MYOZ2: variants seen among roughly 807,000 people sequenced by gnomAD.
MYOZ2 encodes the protein myozenin-2.
In MYOZ2, 19 loss-of-function variants were observed where a neutral mutation model predicts 25.4. The observed-to-expected ratio is 0.75, with a 90% CI of 0.52 to 1.10. MYOZ2 has a LOEUF of 1.10. Among genes scored for constraint, MYOZ2 ranks in the 50% least tolerant of loss-of-function variants. The probability of loss-of-function intolerance (pLI) is 0.00; values close to 1 mark genes in which losing one functional copy is unlikely to be tolerated. For synonymous variants in MYOZ2, 92 were observed against 106.9 expected (o/e 0.86, Z 0.86); for missense variants, 270 against 317.9 (o/e 0.85, Z 1.15).
intron 5 of MYOZ2, among the ~76,000 whole-genome samples, chr4:119,176,728 C>A (rs1742080348): frequency 6.6e-6 from 1 of 152,304 alleles, no homozygotes; most frequent in East Asian, 1.9e-4. Flanking sequence ...TAAGAACTTA[C>A]ATTATCATTC....
intron 5 of MYOZ2, among the ~76,000 whole-genome samples, chr4:119,169,090 CT>C (rs1561125456): frequency 6.9e-6 from 1 of 144,948 alleles, no homozygotes; most frequent in East Asian, 2.0e-4. Flanking sequence ...ATGGCAATCA[CT>C]CCACCAACAA....
At chr4:119,136,692 T>C in intron 2 of MYOZ2, 91 bp downstream of exon 2, 1 of 1,332,414 alleles carries the variant, frequency 7.5e-7, no homozygotes, top group Non-Finnish European at 1.1e-6. Flanking sequence ...GTTTACTTCC[T>C]TTAGATTCTT....
intron 5 of MYOZ2, among the ~76,000 whole-genome samples, chr4:119,177,505 T>C (rs1463448313): frequency 6.6e-6 from 1 of 152,108 alleles, no homozygotes; most frequent in East Asian, 1.9e-4. Context: ...CACACTTTCT[T>C]CTCAACATGG....
intron 4 of MYOZ2, among the ~76,000 whole-genome samples, chr4:119,161,052 T>C (rs1283057158): frequency 1.3e-5 from 2 of 152,120 alleles, no homozygotes; most frequent in Non-Finnish European, 2.9e-5. Context: ...CCCACTTCTC[T>C]CTACTGTTCC....
intron 2 of MYOZ2, among the ~76,000 whole-genome samples, chr4:119,147,785 C>T (rs1243102641): frequency 6.6e-6 from 1 of 151,656 alleles, no homozygotes; most frequent in East Asian, 1.9e-4. Context: ...TTATCCTCTC[C>T]TGTTTATAAA....
At position 119,166,525 on chromosome 4, in the gene MYOZ2, T is replaced by C. The variant is rs1198412627; in HGVS notation, c.560+2131T>C. Among the ~76,000 whole-genome samples, 5 of 150,754 alleles carry C rather than the reference T, an allele frequency of 3.3e-5. No individual in the cohort carries two copies. In the East Asian group the frequency reaches 9.7e-4, roughly 29 times the overall value. ...ACCCTGTCTCAAAAAAAAAAAAAAGTATATGCACAGGGATACACAAAGTTT... is the reference window on the plus strand; with the variant it reads ...ACCCTGTCTCAAAAAAAAAAAAAAGCATATGCACAGGGATACACAAAGTTT... On this transcript the variant is annotated intron_variant, in intron 5 of 5. Transcript: ENST00000307128.
At chr4:119,159,068 C>A (rs1374656532) in intron 4 of MYOZ2, among the ~76,000 whole-genome samples, 2 of 151,848 alleles carry the variant, frequency 1.3e-5, no homozygotes, top group Non-Finnish European at 2.9e-5. Flanking sequence ...TCTAATGAAC[C>A]CCATAAATAT....
intron 5 of MYOZ2, among the ~76,000 whole-genome samples, chr4:119,169,064 G>A (rs542061242): frequency 1.4e-4 from 21 of 152,018 alleles, no homozygotes; most frequent in African/African-American, 4.1e-4. Flanking sequence ...CTGATCAGTC[G>A]GCAGCTATCA....
intron 4 of MYOZ2, among the ~76,000 whole-genome samples, chr4:119,161,890 A>G (rs1350572007): frequency 1.3e-5 from 2 of 152,174 alleles, no homozygotes; most frequent in African/African-American, 4.8e-5. Context: ...AATACACAAA[A>G]CTAAATACTT....
chr4:119,186,235 T>A lies in MYOZ2; in HGVS notation c.*35T>A, dbSNP rs1486188672. On this transcript the variant is annotated 3_prime_UTR_variant, in exon 6 of 6. Transcript: ENST00000307128. ...TGTATGTGCCACATAAAACTCTGAATATAAAAGTTGCTGTTCTACTATTTT... is the reference window on the plus strand; with the variant it reads ...TGTATGTGCCACATAAAACTCTGAAAATAAAAGTTGCTGTTCTACTATTTT... 4 of 1,557,898 alleles carry A rather than the reference T, an allele frequency of 2.6e-6. No individual in the cohort carries two copies. Among genetic ancestry groups the A allele is most frequent in the Non-Finnish European group, 3.5e-6 (4 of 1,131,280 alleles).
rs199750309 is a variant in MYOZ2, at chr4:119,150,886, G to C, written c.91G>C (p.Asp31His). The C allele has an allele frequency of 6.2e-7, 1 of 1,613,784 alleles. No individual in the cohort carries two copies. Among genetic ancestry groups the C allele is most frequent in the East Asian group, 2.2e-5 (1 of 44,860 alleles). Residue 31 changes from aspartate to histidine, a missense_variant, in exon 3 of 6, where the codon GAC becomes CAC. Coordinates refer to ENST00000307128, the MANE Select transcript of MYOZ2 (RefSeq NM_016599.5). ...EVHGNDVDGM[D>H]LGKKVSIPRD... is the part of the protein sequence containing the mutation. ...TTGTTTTACAGATGTTGATGGCATG[G>C]ACCTGGGCAAAAAGGTCAGCATCCC...
chr4:119,147,265 T>C (rs186386822), intron 2 of MYOZ2, among the ~76,000 whole-genome samples: 301 of 151,914 alleles, frequency 2.0e-3, no homozygotes, highest in Non-Finnish European at 3.5e-3. Context: ...CATCTCTGTT[T>C]TACATTCCTG....
chr4:119,158,603 C>A (rs1283162259), intron 4 of MYOZ2, among the ~76,000 whole-genome samples: 1 of 152,084 alleles, frequency 6.6e-6, no homozygotes, highest in Non-Finnish European at 1.5e-5. Flanking sequence ...TGCAAAAATT[C>A]AAACCTAAAG....
chr4:119,164,863 C>G (rs1353484925), intron 5 of MYOZ2, among the ~76,000 whole-genome samples: 2 of 151,784 alleles, frequency 1.3e-5, no homozygotes, highest in African/African-American at 4.8e-5. Flanking sequence ...CTTAATGGCC[C>G]AAGATTCCAG....
intron 5 of MYOZ2, among the ~76,000 whole-genome samples, chr4:119,183,313 T>C (rs1395981288): frequency 6.6e-6 from 1 of 152,026 alleles, no homozygotes; most frequent in Non-Finnish European, 1.5e-5. Context: ...AGCTTACTTC[T>C]GGCTGTGGGA....
chr4:119,157,201 T>C (rs1357508535), intron 3 of MYOZ2, among the ~76,000 whole-genome samples: 3 of 152,210 alleles, frequency 2.0e-5, no homozygotes, highest in Non-Finnish European at 4.4e-5. Flanking sequence ...AAAGATGATT[T>C]GACCTAATCG....
intron 4 of MYOZ2, 56 bp downstream of exon 4, chr4:119,158,207 ACTCAAGGCAT>A: frequency 1.3e-6 from 2 of 1,588,460 alleles, no homozygotes; most frequent in South Asian, 2.2e-5. Flanking sequence ...TAATGATATG[ACTCAAGGCAT>A]TTAAAGCCTT....
intron 4 of MYOZ2, 37 bp downstream of exon 4, chr4:119,158,188 C>G (rs1741627124): frequency 6.2e-7 from 1 of 1,608,804 alleles, no homozygotes; most frequent in Admixed American, 1.7e-5. Flanking sequence ...AATAAAATTT[C>G]TGTGTACCTA....
chr4:119,143,947 G>T (rs890356640), intron 2 of MYOZ2, among the ~76,000 whole-genome samples: 2 of 152,072 alleles, frequency 1.3e-5, no homozygotes, highest in African/African-American at 2.4e-5. Context: ...CAGTTGTTAA[G>T]ATGTAATACA....
Sources: allele counts gnomAD v4.1 joint callset (sites outside exome capture counted in the v4.1 genomes callset), GRCh38; gene constraint gnomAD v4.1.1; transcripts MANE v1.5; gene names NCBI Gene and HGNC (gene_info 2026-07-23, HGNC 2026-07-21).